Variants in HAT1 observed in about 807,000 individuals in gnomAD.
The protein encoded by HAT1 is histone acetyltransferase type B catalytic subunit.
HAT1 carries 20 observed loss-of-function variants against 56.6 expected under a neutral mutation model. The ratio of observed to expected loss-of-function variants is 0.35; its 90% CI spans 0.25 to 0.51. The LOEUF (loss-of-function observed/expected upper bound fraction) is 0.51. Among genes scored for constraint, HAT1 ranks in the 20% least tolerant of loss-of-function variants. HAT1 has a pLI of 0.95. For missense variants in HAT1, 408 were observed against 504.3 expected (o/e 0.81, Z 1.83); for synonymous variants, 146 against 165.5 (o/e 0.88, Z 0.91).
At chr2:171,963,027 T>C (rs1413634861) in intron 4 of HAT1, among the ~76,000 whole-genome samples, 1 of 151,612 alleles carries the variant, frequency 6.6e-6, no homozygotes, top group Non-Finnish European at 1.5e-5. Flanking sequence ...GAGAAAAGAG[T>C]ACAGATCTCT....
intron 10 of HAT1, among the ~76,000 whole-genome samples, chr2:171,981,265 C>T (rs1688127497): frequency 6.6e-6 from 1 of 151,994 alleles, no homozygotes. Flanking sequence ...AGTACAGTTG[C>T]TCAATGATAA....
At chr2:171,978,385 T>C (rs1688042985) in intron 9 of HAT1, among the ~76,000 whole-genome samples, 1 of 152,222 alleles carries the variant, frequency 6.6e-6, no homozygotes, top group Admixed American at 6.5e-5. Context: ...AGCAGGTTTC[T>C]GACCTTTCTC....
At chr2:171,953,091 C>A in intron 4 of HAT1, 90 bp downstream of exon 4, 1 of 747,962 alleles carries the variant, frequency 1.3e-6, no homozygotes. Flanking sequence ...ACACCTGTAA[C>A]CCCAGCAGTT....
chr2:171,924,625 C>T (rs1337907069), intron 1 of HAT1: 2 of 152,094 alleles, frequency 1.3e-5, no homozygotes, highest in African/African-American at 4.8e-5. Context: ...ACTATTGTGC[C>T]AGTAGCTCAC....
Position 171,931,388 on chromosome 2 carries a change from T to G in HAT1, c.112+5747T>G, listed in dbSNP as rs949163847. Among the ~76,000 whole-genome samples the G allele has an allele frequency of 2.0e-5, 3 of 149,180 alleles. No homozygotes were observed. The East Asian group carries it at 6.0e-4, about 30-fold the overall frequency. ...TGAGTGACAGAGTGAGACCCTGTCT[T>G]GATAGATAGATAGCCATATAGCCGG... On this transcript the variant is annotated intron_variant, in intron 2 of 10. Coordinates refer to ENST00000264108, the MANE Select transcript of HAT1 (RefSeq NM_003642.4).
At chr2:171,922,742 C>G (rs1381329439) in intron 1 of HAT1, 1 of 397,858 alleles carries the variant, frequency 2.5e-6, no homozygotes, top group Non-Finnish European at 4.4e-6. Flanking sequence ...AATCCGGCCC[C>G]TACCGAGGGC....
chr2:171,925,934 A>G (rs992213394), intron 2 of HAT1, among the ~76,000 whole-genome samples: 2 of 152,336 alleles, frequency 1.3e-5, no homozygotes, highest in Non-Finnish European at 2.9e-5. Flanking sequence ...TTTGCCTGTA[A>G]GAATAATAAA....
intron 4 of HAT1, among the ~76,000 whole-genome samples, chr2:171,962,784 T>C (rs1687604567): frequency 6.6e-6 from 1 of 152,188 alleles, no homozygotes. Context: ...TCTGTATAAT[T>C]TTAGTTGAAG....
Position 171,958,171 on chromosome 2 carries a change from A to G in HAT1, c.309+5170A>G, listed in dbSNP as rs149947215. Among the ~76,000 whole-genome samples the G allele has an allele frequency of 4.9e-3, 753 of 152,286 alleles. 8 individuals carry two copies. Among genetic ancestry groups the G allele is most frequent in the African/African-American group, 0.017 (713 of 41,554 alleles). ...ATATTTAAAGGTTTTGCCCAAAGTC[A>G]TACAACTAGTAAATAATCAGTATTG... On this transcript the variant is annotated intron_variant, in intron 4 of 10. Coordinates refer to ENST00000264108, the MANE Select transcript of HAT1 (RefSeq NM_003642.4).
At chr2:171,968,053 G>A (rs1472820218) in intron 8 of HAT1, among the ~76,000 whole-genome samples, 1 of 152,056 alleles carries the variant, frequency 6.6e-6, no homozygotes, top group Non-Finnish European at 1.5e-5. Context: ...TAATAAACTG[G>A]AGGGAAAGCA....
chr2:171,978,138 C>T (rs550151465), intron 9 of HAT1, among the ~76,000 whole-genome samples: 10 of 149,750 alleles, frequency 6.7e-5, no homozygotes, highest in Admixed American at 1.3e-4. Flanking sequence ...GGCTACGGCT[C>T]ACTGCAGCCT....
chr2:171,922,733 A>G (rs1439948437), intron 1 of HAT1: 3 of 399,506 alleles, frequency 7.5e-6, no homozygotes, highest in Non-Finnish European at 8.8e-6. Context: ...TCTGCCAGCA[A>G]TCCGGCCCCT....
chr2:171,970,457 A>C (rs1005340083), intron 8 of HAT1, among the ~76,000 whole-genome samples: 1 of 143,384 alleles, frequency 7.0e-6, no homozygotes, highest in Non-Finnish European at 1.5e-5. Flanking sequence ...ACACACATAC[A>C]CTAAATGTTA....
chr2:171,978,236 T>G (rs970223035), intron 9 of HAT1, among the ~76,000 whole-genome samples: 10 of 151,972 alleles, frequency 6.6e-5, no homozygotes, highest in African/African-American at 1.7e-4. Context: ...GGCTAATTTT[T>G]GTAGAGACAG....
At chr2:171,941,360 G>GTGCC (rs1267203771) in intron 2 of HAT1, among the ~76,000 whole-genome samples, 1 of 152,074 alleles carries the variant, frequency 6.6e-6, no homozygotes, top group African/African-American at 2.4e-5. Flanking sequence ...TTTTAGGTGT[G>GTGCC]TGCCACCACA....
chr2:171,940,597 G>T (rs1393387499), intron 2 of HAT1, among the ~76,000 whole-genome samples: 1 of 152,212 alleles, frequency 6.6e-6, no homozygotes, highest in Admixed American at 6.5e-5. Context: ...ATTTGATGAA[G>T]TGGTGGCCTT....
chr2:171,960,504 T>C (rs568480840), intron 4 of HAT1, among the ~76,000 whole-genome samples: 35 of 152,336 alleles, frequency 2.3e-4, no homozygotes, highest in South Asian at 1.0e-3. Context: ...TTATTTCTTA[T>C]TAGGATTATG....
chr2:171,959,122 G>T (rs918986717), intron 4 of HAT1, among the ~76,000 whole-genome samples: 6 of 152,274 alleles, frequency 3.9e-5, no homozygotes, highest in Non-Finnish European at 8.8e-5. Context: ...AAATTGTGCA[G>T]ATACAAAAGT....
intron 3 of HAT1, among the ~76,000 whole-genome samples, chr2:171,949,996 CCT>C (rs1390248567): frequency 6.6e-6 from 1 of 152,110 alleles, no homozygotes; most frequent in East Asian, 1.9e-4. Flanking sequence ...TGGTACTTTC[CCT>C]GTTAGTTCTG....
Sources: allele counts gnomAD v4.1 joint callset (sites outside exome capture counted in the v4.1 genomes callset), GRCh38; gene constraint gnomAD v4.1.1; transcripts MANE v1.5; gene names NCBI Gene and HGNC (gene_info 2026-07-23, HGNC 2026-07-21).